The following XKR3 variants were observed in gnomAD, a reference collection of about 807,000 sequenced individuals.
XKR3 encodes the protein XK related 3.
In XKR3, 27 loss-of-function variants were observed where a neutral mutation model predicts 40.3. That is an observed-to-expected ratio of 0.67 (90% CI 0.49 to 0.92). The LOEUF is 0.92. Among genes scored for constraint, XKR3 ranks in the 40% least tolerant of loss-of-function variants. The probability of loss-of-function intolerance (pLI) is 0.00; values close to 1 mark genes in which losing one functional copy is unlikely to be tolerated. For synonymous variants in XKR3, 193 were observed against 195.4 expected (o/e 0.99, Z 0.10); for missense variants, 472 against 537.6 (o/e 0.88, Z 1.21).
intron 3 of XKR3, among the ~76,000 whole-genome samples, chr22:16,795,328 G>T (rs1170717700): frequency 6.6e-6 from 1 of 152,002 alleles, no homozygotes; most frequent in Non-Finnish European, 1.5e-5. Flanking sequence ...AAAAATTAAG[G>T]CAGAAATTAA....
At chr22:16,822,038 A>G (rs2060258842) in intron 1 of XKR3, among the ~76,000 whole-genome samples, 1 of 152,162 alleles carries the variant, frequency 6.6e-6, no homozygotes, top group Non-Finnish European at 1.5e-5. Flanking sequence ...AATGGCTGTG[A>G]TAGGTGCCAC....
At chr22:16,800,576 A>G (rs191549464) in intron 2 of XKR3, among the ~76,000 whole-genome samples, 1 of 152,338 alleles carries the variant, frequency 6.6e-6, no homozygotes, top group Admixed American at 6.5e-5. Context: ...CATTATTTTA[A>G]GACAGCAGTC....
Position 16,799,910 on chromosome 22 carries a change from T to C in XKR3, c.450A>G (p.Ala150=). Residue 150 remains alanine, a synonymous_variant, in exon 3 of 4, where the codon GCA becomes GCG. Transcript: ENST00000684488. ...GCATGAAATTATCCCGGATTGAGAA[T>C]GCAATCTCCCTTTCCAGCATCGTGT... The part of the protein sequence containing the change: ...KRNTMLEREI[A]FSIRDNFMQQ... 1 of 1,614,128 alleles carries C rather than the reference T, an allele frequency of 6.2e-7. No homozygotes were observed. The highest frequency in any genetic ancestry group is 1.7e-4 in the Middle Eastern group (1 of 6,060).
intron 2 of XKR3, among the ~76,000 whole-genome samples, chr22:16,800,882 G>T (rs1245912788): frequency 6.6e-6 from 1 of 152,048 alleles, no homozygotes; most frequent in African/African-American, 2.4e-5. Flanking sequence ...AAAAAATAAT[G>T]CTTCTCAATG....
At chr22:16,809,260 A>G (rs1275653747) in intron 1 of XKR3, among the ~76,000 whole-genome samples, 1 of 152,158 alleles carries the variant, frequency 6.6e-6, no homozygotes, top group African/African-American at 2.4e-5. Flanking sequence ...TTATTTATTC[A>G]AAGACAAAAC....
At chr22:16,804,982 C>T (rs554195282) in intron 2 of XKR3, among the ~76,000 whole-genome samples, 5 of 152,274 alleles carry the variant, frequency 3.3e-5, no homozygotes, top group South Asian at 4.1e-4. Context: ...TAACTCTTTT[C>T]ATCGACCAAA....
chr22:16,819,825 A>G (rs2060248488), intron 1 of XKR3, among the ~76,000 whole-genome samples: 1 of 152,192 alleles, frequency 6.6e-6, no homozygotes, highest in Non-Finnish European at 1.5e-5. Flanking sequence ...TAGAAAGCCA[A>G]TGTGCAGATG....
chr22:16,817,115 A>C (rs886922435), intron 1 of XKR3, among the ~76,000 whole-genome samples: 1 of 152,110 alleles, frequency 6.6e-6, no homozygotes. Context: ...GAAACAAAGA[A>C]ACAAAAATTT....
intron 1 of XKR3, among the ~76,000 whole-genome samples, chr22:16,809,907 C>T (rs1314907485): frequency 6.6e-6 from 1 of 152,126 alleles, no homozygotes; most frequent in Non-Finnish European, 1.5e-5. Context: ...TGCAGGCCAC[C>T]AGGCCTAGCT....
chr22:16,783,550 T>G lies in XKR3; in HGVS notation c.*69A>C. On this transcript the variant is annotated 3_prime_UTR_variant, in exon 4 of 4. Transcript: ENST00000684488. Reference sequence around the variant, plus strand: ...ATTTTGCTGTGTATATTTTTTAAATTTAAGAGCCTCTTAACAAGTCACATT... The same window carrying G: ...ATTTTGCTGTGTATATTTTTTAAATGTAAGAGCCTCTTAACAAGTCACATT... The G allele has an allele frequency of 7.8e-7, 1 of 1,274,500 alleles. No individual in the cohort carries two copies. The highest frequency in any genetic ancestry group is 1.0e-6 in the Non-Finnish European group (1 of 956,214). The allele number at this position is 1,274,500 out of a possible 1,614,324, so 78.9% of individuals were successfully genotyped here. A position where few individuals can be genotyped will look rare whatever the true frequency, so the allele number is the denominator to read the frequency against.
intron 2 of XKR3, among the ~76,000 whole-genome samples, chr22:16,803,944 T>C (rs1283395052): frequency 6.6e-6 from 1 of 152,206 alleles, no homozygotes; most frequent in Non-Finnish European, 1.5e-5. Context: ...CCTGAATTTT[T>C]TCTTGCACAA....
At position 16,784,013 on chromosome 22, in the gene XKR3, A is replaced by G; in HGVS notation, c.986T>C (p.Leu329Ser). The change falls in exon 4 of 4, where the codon TTG (leucine) becomes TCG (serine). Residue 329 changes from leucine to serine, a missense_variant. Transcript: ENST00000684488. Reference protein sequence around the residue: ...FSCWSAVKLQLSDDKIIDGRQ... With the variant: ...FSCWSAVKLQSSDDKIIDGRQ... ...CCCGTCAATTATTTTGTCATCTGAC[A>G]ACTGCAGTTTCACTGCTGACCAGCA... 2 of 1,614,242 alleles carry G rather than the reference A, an allele frequency of 1.2e-6. No individual in the cohort carries two copies. The highest frequency in any genetic ancestry group is 2.2e-5 in the South Asian group (2 of 91,086).
chr22:16,806,579 AG>A (rs1239577885), intron 2 of XKR3, among the ~76,000 whole-genome samples: 1 of 150,634 alleles, frequency 6.6e-6, no homozygotes, highest in Non-Finnish European at 1.5e-5. Flanking sequence ...CTGGGATTAC[AG>A]GCATGCACCA....
chr22:16,802,499 T>C (rs368874438), intron 2 of XKR3, among the ~76,000 whole-genome samples: 13 of 152,218 alleles, frequency 8.5e-5, no homozygotes, highest in African/African-American at 3.1e-4. Context: ...TTCTTTTTTT[T>C]TTCTTTTTTT....
chr22:16,788,927 G>C (rs2146141690), intron 3 of XKR3, among the ~76,000 whole-genome samples: 1 of 152,142 alleles, frequency 6.6e-6, no homozygotes, highest in East Asian at 1.9e-4. Flanking sequence ...AAAGCCATTT[G>C]ACAAAATTCA....
intron 3 of XKR3, among the ~76,000 whole-genome samples, chr22:16,787,375 A>T (rs546291154): frequency 2.6e-3 from 402 of 152,134 alleles, no homozygotes; most frequent in Non-Finnish European, 3.9e-3. Context: ...AGTGCCCAAC[A>T]TGGTGAAACT....
At chr22:16,791,282 G>GA (rs1185374148) in intron 3 of XKR3, among the ~76,000 whole-genome samples, 11 of 148,358 alleles carry the variant, frequency 7.4e-5, no homozygotes, top group African/African-American at 1.5e-4. Flanking sequence ...TACGTTGAGT[G>GA]AAAAAAAATG....
intron 1 of XKR3, among the ~76,000 whole-genome samples, chr22:16,821,946 C>T (rs5992555): frequency 0.6 from 91,030 of 151,784 alleles, 27,404 homozygotes; most frequent in African/African-American, 0.61. Context: ...TTTTTTGCCA[C>T]CTAATAAGAA....
At chr22:16,820,123 C>T (rs1240825402) in intron 1 of XKR3, among the ~76,000 whole-genome samples, 1 of 152,106 alleles carries the variant, frequency 6.6e-6, no homozygotes, top group East Asian at 1.9e-4. Flanking sequence ...AAACTGTTTG[C>T]CATGCAGCTG....
Sources: gnomAD v4.1 joint callset for allele counts (sites outside exome capture counted in the v4.1 genomes callset) on GRCh38, gnomAD v4.1.1 for gene constraint, MANE v1.5 for transcripts, NCBI Gene and HGNC (gene_info 2026-07-23, HGNC 2026-07-21) for gene names.